PEX5L: variants seen among roughly 807,000 people sequenced by gnomAD.
PEX5L encodes the protein PEX5-related protein.
Under a neutral mutation model 84.0 loss-of-function variants are expected in PEX5L, and 30 were observed. The observed-to-expected ratio is 0.36, with a 90% CI of 0.27 to 0.48. The LOEUF is 0.48. Ranked by LOEUF, PEX5L falls within the 20% of genes least tolerant of loss-of-function variation. The pLI, the probability that PEX5L is intolerant of heterozygous loss-of-function variation, is 0.99. For synonymous variants in PEX5L, 270 were observed against 283.1 expected (o/e 0.95, Z 0.46); for missense variants, 533 against 754.6 (o/e 0.71, Z 3.44).
Position 179,879,982 on chromosome 3 carries a change from G to C in PEX5L, c.452C>G (p.Ala151Gly), listed in dbSNP as rs1253143432. The C allele has an allele frequency of 6.2e-7, 1 of 1,613,072 alleles. No homozygotes were observed. The highest frequency in any genetic ancestry group is 8.5e-7 in the Non-Finnish European group (1 of 1,179,608). ...TCTGAGAGGCTGGCCTCTCTGCTCA[G>C]CATCCGTGCTGATGAGGTCAGATCC... ...ADGSDLISTD[A>G]EQRGQPLRVP... Residue 151 changes from alanine to glycine, a missense_variant, in exon 5 of 15, where the codon GCT becomes GGT. Physicochemically the swap from Ala to Gly is moderately conservative, Grantham distance 60. Coordinates refer to ENST00000467460, the MANE Select transcript of PEX5L (RefSeq NM_016559.3).
intron 8 of PEX5L, among the ~76,000 whole-genome samples, chr3:179,832,367 C>A (rs1041427202): frequency 5.3e-5 from 8 of 151,872 alleles, no homozygotes; most frequent in African/African-American, 1.7e-4. Flanking sequence ...TACCTACCCA[C>A]CAACCTACCT....
chr3:180,032,141 G>T (rs1273261986), intron 1 of PEX5L, among the ~76,000 whole-genome samples: 2 of 152,174 alleles, frequency 1.3e-5, no homozygotes, highest in Non-Finnish European at 1.5e-5. Flanking sequence ...AACATGATTT[G>T]CATGTGAATA....
chr3:179,973,922 T>A, intron 1 of PEX5L: 3 of 985,422 alleles, frequency 3.0e-6, no homozygotes, highest in African/African-American at 1.7e-5. Context: ...AGCCTTACAG[T>A]TTTACTCTAG....
At chr3:179,871,534 C>T (rs1450738508) in intron 7 of PEX5L, among the ~76,000 whole-genome samples, 4 of 152,310 alleles carry the variant, frequency 2.6e-5, no homozygotes, top group East Asian at 1.9e-4. Context: ...CAACTCCTTA[C>T]ATATTTGAAG....
intron 1 of PEX5L, among the ~76,000 whole-genome samples, chr3:180,001,979 G>A (rs1222134167): frequency 6.6e-6 from 1 of 152,096 alleles, no homozygotes; most frequent in Non-Finnish European, 1.5e-5. Flanking sequence ...TTTACAAGTA[G>A]TATGATATTG....
intron 7 of PEX5L, among the ~76,000 whole-genome samples, chr3:179,868,633 G>C (rs1400126810): frequency 6.6e-6 from 1 of 152,084 alleles, no homozygotes; most frequent in Non-Finnish European, 1.5e-5. Context: ...CCTTTGCCCA[G>C]ATCTAGGAAA....
intron 1 of PEX5L, among the ~76,000 whole-genome samples, chr3:179,988,550 A>G (rs1047285362): frequency 2.0e-5 from 3 of 152,172 alleles, no homozygotes; most frequent in Non-Finnish European, 2.9e-5. Context: ...CACTTCCCCC[A>G]CATCTGTTAA....
intron 8 of PEX5L, among the ~76,000 whole-genome samples, chr3:179,837,207 G>C (rs1735289402): frequency 6.6e-6 from 1 of 152,074 alleles, no homozygotes; most frequent in African/African-American, 2.4e-5. Context: ...AGCTGAAAGT[G>C]AACAATTCAA....
At chr3:179,893,881 A>G (rs1758367023) in intron 3 of PEX5L, among the ~76,000 whole-genome samples, 1 of 152,104 alleles carries the variant, frequency 6.6e-6, no homozygotes, top group Admixed American at 6.6e-5. Context: ...TTGTTTATAT[A>G]TGAATGAAAC....
intron 7 of PEX5L, among the ~76,000 whole-genome samples, chr3:179,871,094 G>A (rs1053984959): frequency 7.4e-6 from 1 of 135,546 alleles, no homozygotes; most frequent in Non-Finnish European, 1.6e-5. Flanking sequence ...AACCATTTGA[G>A]TTATACTTTT....
chr3:179,870,004 T>G (rs1342024583), intron 7 of PEX5L, among the ~76,000 whole-genome samples: 2 of 152,198 alleles, frequency 1.3e-5, no homozygotes, highest in Admixed American at 6.5e-5. Context: ...GTGCCAATCA[T>G]GGAGTTTTGG....
intron 1 of PEX5L, among the ~76,000 whole-genome samples, chr3:180,017,730 A>G (rs1179997780): frequency 6.6e-6 from 1 of 151,496 alleles, no homozygotes; most frequent in African/African-American, 2.4e-5. Context: ...AAGTTCCCAA[A>G]TAAGAGGGAA....
chr3:179,844,160 A>C (rs1168353884), intron 8 of PEX5L, among the ~76,000 whole-genome samples: 1 of 152,172 alleles, frequency 6.6e-6, no homozygotes, highest in Non-Finnish European at 1.5e-5. Flanking sequence ...TATATATTTG[A>C]GTGCGTGTGT....
rs1717005827 is a variant in PEX5L, at chr3:179,796,470, A to G, written c.*5358T>C. The G allele has an allele frequency of 6.6e-6, 1 of 151,816 alleles. No individual in the cohort carries two copies. The highest frequency in any genetic ancestry group is 1.5e-5 in the Non-Finnish European group (1 of 67,970). 9.4% of individuals were successfully genotyped at this position (151,816 alleles called of 1,614,324 possible). A position where few individuals can be genotyped will look rare whatever the true frequency, so the allele number is the denominator to read the frequency against. ...TAGTGGAAACTTCGTTCAAGGCAAA[A>G]TACCACATGAGAGGTTGTTAAACCT... On this transcript the variant is annotated 3_prime_UTR_variant, in exon 15 of 15. Transcript: ENST00000467460.
chr3:179,941,145 G>A (rs929557976), intron 2 of PEX5L, among the ~76,000 whole-genome samples: 1 of 152,216 alleles, frequency 6.6e-6, no homozygotes, highest in Non-Finnish European at 1.5e-5. Context: ...GCCATTTATT[G>A]TGCGCCAAGC....
chr3:180,032,120 C>T (rs1335771726), intron 1 of PEX5L, among the ~76,000 whole-genome samples: 1 of 152,228 alleles, frequency 6.6e-6, no homozygotes, highest in African/African-American at 2.4e-5. Flanking sequence ...CTCAACACTA[C>T]ATCCATACCA....
intron 1 of PEX5L, among the ~76,000 whole-genome samples, chr3:180,016,071 T>C (rs967141939): frequency 5.3e-5 from 8 of 151,700 alleles, no homozygotes; most frequent in Non-Finnish European, 5.9e-5. Flanking sequence ...AAAACATTCT[T>C]TTCCACAAAG....
intron 3 of PEX5L, among the ~76,000 whole-genome samples, chr3:179,894,728 T>C (rs1163175521): frequency 6.6e-6 from 1 of 152,008 alleles, no homozygotes; most frequent in Non-Finnish European, 1.5e-5. Flanking sequence ...AATACTGAGA[T>C]ATAATGGGTG....
At chr3:179,920,669 T>A (rs1031738722) in intron 2 of PEX5L, among the ~76,000 whole-genome samples, 1 of 152,172 alleles carries the variant, frequency 6.6e-6, no homozygotes, top group African/African-American at 2.4e-5. Flanking sequence ...AGAATACATA[T>A]CTATTCTCAA....
Sources: allele counts gnomAD v4.1 joint callset (sites outside exome capture counted in the v4.1 genomes callset), GRCh38; gene constraint gnomAD v4.1.1; transcripts MANE v1.5; gene names NCBI Gene and HGNC (gene_info 2026-07-23, HGNC 2026-07-21).